The following MMP16 variants were observed in gnomAD, a reference collection of about 807,000 sequenced individuals.
MMP16 encodes matrix metallopeptidase 16, also known as matrix metalloproteinase-16.
In MMP16, 12 loss-of-function variants were observed where a neutral mutation model predicts 67.8. The observed-to-expected ratio is 0.18, with a 90% CI of 0.11 to 0.29. The LOEUF is 0.29. Among genes scored for constraint, MMP16 ranks in the 10% least tolerant of loss-of-function variants. The pLI is 1.00. For synonymous variants in MMP16, 249 were observed against 255.9 expected, an observed-to-expected ratio of 0.97 and a Z score of 0.26; for missense variants, 475 against 765.7, an observed-to-expected ratio of 0.62 and a Z score of 4.48.
chr8:88,264,899 C>T (rs1810450192), intron 1 of MMP16, among the ~76,000 whole-genome samples: 5 of 152,216 alleles, frequency 3.3e-5, no homozygotes, highest in Admixed American at 3.3e-4. Flanking sequence ...GAAAACTATG[C>T]TAACGTTTCA....
intron 4 of MMP16, among the ~76,000 whole-genome samples, chr8:88,144,503 T>A (rs1170548890): frequency 6.6e-6 from 1 of 151,736 alleles, no homozygotes; most frequent in Non-Finnish European, 1.5e-5. Flanking sequence ...AATAATAAAG[T>A]CTGGTTTAAA....
In MMP16 at chr8:88,280,232, ATAC is replaced by A. The variant is rs1810711411; in HGVS notation, c.132+46840_132+46842del. On this transcript the variant is annotated intron_variant, in intron 1 of 9. Transcript: ENST00000286614. ...ATTTAACAAAGATATCCTGAAGTTA[ATAC>A]TACAATGCAGCTGTGTCCACTTACT... Among the ~76,000 whole-genome samples, 3 of 152,202 alleles carry A rather than the reference ATAC, an allele frequency of 2.0e-5. No individual in the cohort carries two copies. The South Asian group carries it at 6.2e-4, about 31-fold the overall frequency.
intron 1 of MMP16, among the ~76,000 whole-genome samples, chr8:88,266,926 C>T (rs977793460): frequency 4.6e-5 from 7 of 152,186 alleles, no homozygotes; most frequent in Admixed American, 3.3e-4. Context: ...AAACTGGTCA[C>T]ATGAGTTGAG....
At chr8:88,146,367 T>C (rs1563545133) in intron 4 of MMP16, among the ~76,000 whole-genome samples, 1 of 151,992 alleles carries the variant, frequency 6.6e-6, no homozygotes, top group Non-Finnish European at 1.5e-5. Context: ...CATCTACTCA[T>C]GTATTTTTGT....
At chr8:88,131,579 T>G (rs2118474453) in intron 4 of MMP16, among the ~76,000 whole-genome samples, 1 of 151,956 alleles carries the variant, frequency 6.6e-6, no homozygotes, top group East Asian at 1.9e-4. Flanking sequence ...TATACCATAT[T>G]AATGGAGTGT....
intron 6 of MMP16, among the ~76,000 whole-genome samples, chr8:88,081,743 T>C (rs1464250742): frequency 6.6e-6 from 1 of 152,150 alleles, no homozygotes; most frequent in East Asian, 1.9e-4. Flanking sequence ...ACATATATTG[T>C]AGTAAAAACA....
Position 88,327,404 on chromosome 8 carries a change from T to A in MMP16, c.-198A>T, listed in dbSNP as rs1273945513. On this transcript the variant is annotated 5_prime_UTR_variant, in exon 1 of 10. It removes the in-frame stop codon of an upstream open reading frame in the 5' UTR. Coordinates refer to ENST00000286614, the MANE Select transcript of MMP16 (RefSeq NM_005941.5). ...CCGAGAGGCAGCGGCGAAGACAGGG[T>A]CAGCAGTAGTTCCTGTTCACCATCC... is the stretch of plus-strand genomic sequence containing the variant. 1 of 566,114 alleles carries A rather than the reference T, an allele frequency of 1.8e-6. No individual in the cohort carries two copies. Among genetic ancestry groups the A allele is most frequent in the Non-Finnish European group, 3.1e-6 (1 of 320,162 alleles). The allele number at this position is 566,114 out of a possible 1,614,324, so 35.1% of individuals were successfully genotyped here.
intron 2 of MMP16, among the ~76,000 whole-genome samples, chr8:88,188,308 A>T (rs760228641): frequency 2.6e-5 from 4 of 152,198 alleles, no homozygotes; most frequent in Non-Finnish European, 5.9e-5. Flanking sequence ...TTCCTAAGGT[A>T]GGTACTTATC....
intron 2 of MMP16, among the ~76,000 whole-genome samples, chr8:88,193,170 T>C (rs1809196704): frequency 6.6e-6 from 1 of 152,144 alleles, no homozygotes; most frequent in East Asian, 1.9e-4. Context: ...TCTGTCAATG[T>C]GTGAATGGAT....
chr8:88,045,823 T>C (rs1808193188), intron 9 of MMP16, among the ~76,000 whole-genome samples: 1 of 152,222 alleles, frequency 6.6e-6, no homozygotes, highest in African/African-American at 2.4e-5. Flanking sequence ...GTTGAGCATA[T>C]GTCACAGACT....
intron 1 of MMP16, among the ~76,000 whole-genome samples, chr8:88,213,136 G>T (rs1448421279): frequency 1.3e-5 from 2 of 152,118 alleles, no homozygotes; most frequent in East Asian, 3.8e-4. Context: ...GGCTGTACTT[G>T]TGCTGATTAA....
chr8:88,052,169 C>T (rs989452722), intron 8 of MMP16, among the ~76,000 whole-genome samples: 1 of 152,156 alleles, frequency 6.6e-6, no homozygotes. Flanking sequence ...ATTATCCAAC[C>T]ACCTACTTGA....
At chr8:88,099,826 C>T (rs1052407102) in intron 6 of MMP16, among the ~76,000 whole-genome samples, 2 of 151,876 alleles carry the variant, frequency 1.3e-5, no homozygotes, top group East Asian at 3.9e-4. Flanking sequence ...TCTTGTTATA[C>T]CTCCTGCCTT....
At chr8:88,231,347 G>T (rs1019908197) in intron 1 of MMP16, among the ~76,000 whole-genome samples, 1 of 152,150 alleles carries the variant, frequency 6.6e-6, no homozygotes. Flanking sequence ...TCTAGTGTGT[G>T]CTGCAATTCA....
chr8:88,234,860 T>C (rs535417328), intron 1 of MMP16, among the ~76,000 whole-genome samples: 1 of 152,332 alleles, frequency 6.6e-6, no homozygotes, highest in African/African-American at 2.4e-5. Flanking sequence ...AGTAACATAA[T>C]AATAAGTTTA....
chr8:88,098,516 C>T (rs1809073647), intron 6 of MMP16, among the ~76,000 whole-genome samples: 4 of 151,978 alleles, frequency 2.6e-5, no homozygotes, highest in Non-Finnish European at 5.9e-5. Context: ...CATAGGTTAA[C>T]TCCACATATC....
chr8:88,120,504 A>G (rs910577784), intron 4 of MMP16, among the ~76,000 whole-genome samples: 1 of 151,956 alleles, frequency 6.6e-6, no homozygotes, highest in Non-Finnish European at 1.5e-5. Context: ...GAGCATGCCC[A>G]CACCCAGAAA....
At chr8:88,124,430 A>C (rs1284335207) in intron 4 of MMP16, among the ~76,000 whole-genome samples, 1 of 151,958 alleles carries the variant, frequency 6.6e-6, no homozygotes, top group East Asian at 1.9e-4. Context: ...CCAAAGTTAC[A>C]GAGTAAATAG....
At chr8:88,261,712 T>G (rs907045869) in intron 1 of MMP16, among the ~76,000 whole-genome samples, 7 of 151,880 alleles carry the variant, frequency 4.6e-5, no homozygotes, top group Non-Finnish European at 8.8e-5. Context: ...CATATACATA[T>G]GTACACATAT....
Sources: gnomAD v4.1 joint callset for allele counts (sites outside exome capture counted in the v4.1 genomes callset) on GRCh38, gnomAD v4.1.1 for gene constraint, MANE v1.5 for transcripts, NCBI Gene and HGNC (gene_info 2026-07-23, HGNC 2026-07-21) for gene names.